MSTO1: variants seen among roughly 807,000 people sequenced by gnomAD.
MSTO1 encodes misato mitochondrial distribution and morphology regulator 1, also known as protein misato homolog 1.
A neutral mutation model predicts 55.7 loss-of-function variants in MSTO1; 24 were observed. That is an observed-to-expected ratio of 0.43 (90% CI 0.31 to 0.61). The LOEUF (loss-of-function observed/expected upper bound fraction) is 0.61, where lower values mean the gene tolerates loss of function less well. Ranked by LOEUF, MSTO1 falls within the 20% of genes least tolerant of loss-of-function variation. The probability of loss-of-function intolerance (pLI) is 0.09; values close to 1 mark genes in which losing one functional copy is unlikely to be tolerated. For missense variants in MSTO1, 363 were observed against 625.7 expected (o/e 0.58, Z 4.48); for synonymous variants, 162 against 252.8 (o/e 0.64, Z 3.41).
the MSTO1 span, among the ~76,000 whole-genome samples, chr1:155,568,735 G>A: frequency 1.6e-4 from 25 of 152,116 alleles, no homozygotes; most frequent in African/African-American, 6.0e-4. Flanking sequence ...ACTGCACCCA[G>A]CCAGTTTTTT....
At chr1:155,568,544 T>C in the MSTO1 span, among the ~76,000 whole-genome samples, 1 of 152,072 alleles carries the variant, frequency 6.6e-6, no homozygotes, top group Non-Finnish European at 1.5e-5. Context: ...ATTCAAGTGA[T>C]TCTCCTGCTT....
At chr1:155,601,325 C>CG in the MSTO1 span, among the ~76,000 whole-genome samples, 2 of 150,212 alleles carry the variant, frequency 1.3e-5, no homozygotes, top group Admixed American at 6.6e-5. Context: ...TTAGTAGAGA[C>CG]GGGGTTTCAC....
At chr1:155,612,373 C>T in intron 8 of MSTO1, 45 bp from the exon 9 acceptor site, 1 of 1,584,044 alleles carries the variant, frequency 6.3e-7, no homozygotes, top group Non-Finnish European at 8.6e-7. Flanking sequence ...AAATCAGAAT[C>T]CCAGTGGGAG....
At chr1:155,583,049 AT>A in the MSTO1 span, among the ~76,000 whole-genome samples, 4 of 151,162 alleles carry the variant, frequency 2.6e-5, no homozygotes, top group South Asian at 8.3e-4. Flanking sequence ...AAAAAAAAAA[AT>A]TGTAGAGTTG....
chr1:155,608,316 G>C (rs1672998308), upstream of MSTO1, among the ~76,000 whole-genome samples: 1 of 152,020 alleles, frequency 6.6e-6, no homozygotes, highest in Non-Finnish European at 1.5e-5. Flanking sequence ...GGGCTGCCTA[G>C]CTAATTTTTT....
At chr1:155,577,681 A>AT in the MSTO1 span, among the ~76,000 whole-genome samples, 4 of 152,104 alleles carry the variant, frequency 2.6e-5, no homozygotes, top group Admixed American at 2.6e-4. Context: ...TAAATTTGTT[A>AT]TTTTTCAAGA....
the MSTO1 span, among the ~76,000 whole-genome samples, chr1:155,586,334 T>C: frequency 7.1e-3 from 1,071 of 151,864 alleles, 6 homozygotes; most frequent in Non-Finnish European, 0.01. Flanking sequence ...TGAGCCACCA[T>C]GCCTGGCCCT....
the MSTO1 span, among the ~76,000 whole-genome samples, chr1:155,576,072 TCGG>T: frequency 3.3e-5 from 5 of 152,050 alleles, no homozygotes; most frequent in Non-Finnish European, 7.4e-5. Flanking sequence ...TCCGCCTGCT[TCGG>T]CCTCCCAAAG....
chr1:155,582,233 C>T, the MSTO1 span, among the ~76,000 whole-genome samples: 3 of 151,994 alleles, frequency 2.0e-5, no homozygotes, highest in Non-Finnish European at 4.4e-5. Context: ...CCTTACCTAC[C>T]GTCCAGTTAC....
chr1:155,586,204 C>CTTTTT, the MSTO1 span, among the ~76,000 whole-genome samples: 101 of 127,070 alleles, frequency 7.9e-4, no homozygotes, highest in Middle Eastern at 4.3e-3. Context: ...CTCTCTCTGT[C>CTTTTT]TTTTTTTTTT....
the MSTO1 span, among the ~76,000 whole-genome samples, chr1:155,565,277 G>A: frequency 2.8e-5 from 4 of 145,082 alleles, no homozygotes; most frequent in Non-Finnish European, 4.5e-5. Flanking sequence ...CCTGGGAGAC[G>A]AGAGTGAAAC....
the MSTO1 span, among the ~76,000 whole-genome samples, chr1:155,579,650 C>T: frequency 6.6e-6 from 1 of 152,100 alleles, no homozygotes; most frequent in African/African-American, 2.4e-5. Flanking sequence ...ATAACGTGTA[C>T]CTGATGGGAC....
At chr1:155,576,730 G>A in the MSTO1 span, among the ~76,000 whole-genome samples, 2 of 151,390 alleles carry the variant, frequency 1.3e-5, no homozygotes, top group African/African-American at 4.9e-5. Context: ...TAGAAAATTA[G>A]AGGCTGAGCG....
At position 155,612,172 on chromosome 1, in the gene MSTO1, C is replaced by T; in HGVS notation, c.679-10C>T. Reference sequence around the variant, plus strand: ...CTGCTAACTATCTTTTGTCACTCACCCCCGTCCAGGGCTTCCAGATCCTGT... The same window carrying T: ...CTGCTAACTATCTTTTGTCACTCACTCCCGTCCAGGGCTTCCAGATCCTGT... On this transcript the variant is annotated splice_polypyrimidine_tract_variant and intron_variant, in intron 7 of 13. Coordinates refer to ENST00000245564, the MANE Select transcript of MSTO1 (RefSeq NM_018116.4). 1 of 1,613,818 alleles carries T rather than the reference C, an allele frequency of 6.2e-7. No individual in the cohort carries two copies. The highest frequency in any genetic ancestry group is 1.1e-5 in the South Asian group (1 of 91,062).
the MSTO1 span, among the ~76,000 whole-genome samples, chr1:155,601,220 G>A: frequency 6.7e-5 from 10 of 150,018 alleles, no homozygotes; most frequent in Non-Finnish European, 1.3e-4. Flanking sequence ...TGCAACCTCC[G>A]CCTCCCAGGT....
At chr1:155,595,060 C>G in the MSTO1 span, among the ~76,000 whole-genome samples, 2 of 151,454 alleles carry the variant, frequency 1.3e-5, no homozygotes, top group Non-Finnish European at 2.9e-5. Flanking sequence ...ATTGCTTGAA[C>G]CCAGGAGGCA....
the MSTO1 span, among the ~76,000 whole-genome samples, chr1:155,564,828 A>G: frequency 6.6e-6 from 1 of 152,216 alleles, no homozygotes; most frequent in Non-Finnish European, 1.5e-5. Context: ...AGTCACAGAA[A>G]TATTGAAATG....
the MSTO1 span, chr1:155,602,233 C>T: frequency 7.7e-6 from 4 of 518,774 alleles, no homozygotes; most frequent in East Asian, 1.2e-4. Flanking sequence ...AATCACAGCA[C>T]TTTAGGAGAC....
At chr1:155,610,141 G>A (rs470942), upstream of MSTO1, 1,621 of 1,036,518 alleles carry the variant, frequency 1.6e-3, 14 homozygotes, top group African/African-American at 3.4e-3. Flanking sequence ...GTGTTTGCGG[G>A]CCAATAAGTA....
Sources: gnomAD v4.1 joint callset for allele counts (sites outside exome capture counted in the v4.1 genomes callset) on GRCh38, gnomAD v4.1.1 for gene constraint, MANE v1.5 for transcripts, NCBI Gene and HGNC (gene_info 2026-07-23, HGNC 2026-07-21) for gene names.